EPHB2: variants seen among roughly 807,000 people sequenced by gnomAD.
EPHB2 encodes the protein EPH receptor B2.
In EPHB2, 18 loss-of-function variants were observed where a neutral mutation model predicts 96.4. The observed-to-expected ratio is 0.19, with a 90% CI of 0.13 to 0.28. EPHB2 has a LOEUF of 0.28. Ranked by LOEUF, EPHB2 falls within the 10% of genes least tolerant of loss-of-function variation. The probability of loss-of-function intolerance (pLI) is 1.00; values close to 1 mark genes in which losing one functional copy is unlikely to be tolerated. For missense variants in EPHB2, 989 were observed against 1,355.4 expected, an observed-to-expected ratio of 0.73 and a Z score of 4.25; for synonymous variants, 506 against 534.1, an observed-to-expected ratio of 0.95 and a Z score of 0.72.
intron 1 of EPHB2, among the ~76,000 whole-genome samples, chr1:22,723,038 G>A (rs1197292024): frequency 6.6e-6 from 1 of 152,260 alleles, no homozygotes; most frequent in Non-Finnish European, 1.5e-5. Flanking sequence ...CACTGGGGCG[G>A]GGTGCAAGCT....
intron 5 of EPHB2, among the ~76,000 whole-genome samples, chr1:22,878,041 A>C (rs1310951361): frequency 6.6e-6 from 1 of 152,262 alleles, no homozygotes; most frequent in African/African-American, 2.4e-5. Context: ...TTGGGAGGTG[A>C]AACTCCAGAG....
chr1:22,805,274 G>C (rs2582033), intron 3 of EPHB2, among the ~76,000 whole-genome samples: 151,725 of 152,284 alleles, frequency 1, 75,584 homozygotes, highest in Middle Eastern at 1. Context: ...CCTGGTTCGA[G>C]GTGACCCCAT....
intron 9 of EPHB2, among the ~76,000 whole-genome samples, chr1:22,899,423 C>A (rs1639678165): frequency 6.6e-6 from 1 of 151,784 alleles, no homozygotes; most frequent in Non-Finnish European, 1.5e-5. Context: ...ATCCCTTGAA[C>A]CCGGGAGGTG....
At chr1:22,768,043 G>A (rs1332298600) in intron 1 of EPHB2, among the ~76,000 whole-genome samples, 3 of 152,224 alleles carry the variant, frequency 2.0e-5, no homozygotes, top group African/African-American at 7.2e-5. Flanking sequence ...GGCACCCTGG[G>A]GTGTTCTGTC....
At chr1:22,712,350 G>T (rs770088925) in intron 1 of EPHB2, among the ~76,000 whole-genome samples, 2 of 152,204 alleles carry the variant, frequency 1.3e-5, no homozygotes, top group African/African-American at 2.4e-5. Context: ...CCTAAACTGC[G>T]TGAGCCCTTC....
rs553778621 is a variant in EPHB2, at chr1:22,878,911, C to T, written c.1304-3448C>T. ...TACTCCTCACCCGTCCTTGCCCTTG[C>T]GGGCTCTGTGTGTCTGATGCTCCAT... On this transcript the variant is annotated intron_variant, in intron 5 of 15. Coordinates refer to ENST00000374630, the MANE Select transcript of EPHB2 (RefSeq NM_017449.5). Among the ~76,000 whole-genome samples, 11 of 152,368 alleles carry T rather than the reference C, an allele frequency of 7.2e-5. No individual in the cohort carries two copies. In the East Asian group the frequency reaches 1.9e-3, roughly 27 times the overall value.
At chr1:22,774,697 G>A (rs1363038892) in intron 1 of EPHB2, 2 of 837,828 alleles carry the variant, frequency 2.4e-6, no homozygotes, top group Admixed American at 6.2e-5. Flanking sequence ...GCTAGGACTT[G>A]ATCCTTCAGG....
chr1:22,731,765 G>A (rs539277216), intron 1 of EPHB2, among the ~76,000 whole-genome samples: 31 of 152,130 alleles, frequency 2.0e-4, no homozygotes, highest in Non-Finnish European at 3.1e-4. Context: ...GCTTGAACCC[G>A]GGAAGTGGAG....
intron 3 of EPHB2, among the ~76,000 whole-genome samples, chr1:22,820,859 G>A (rs115177265): frequency 0.014 from 2,177 of 152,230 alleles, 44 homozygotes; most frequent in African/African-American, 0.05. Flanking sequence ...GCATAAGATC[G>A]CTCAGATTAT....
chr1:22,750,924 C>CA (rs1243576556), intron 1 of EPHB2, among the ~76,000 whole-genome samples: 1 of 152,228 alleles, frequency 6.6e-6, no homozygotes, highest in Non-Finnish European at 1.5e-5. Flanking sequence ...CAGCAGGCCC[C>CA]AGAGCCCATG....
At chr1:22,775,666 C>T (rs957092265) in intron 1 of EPHB2, among the ~76,000 whole-genome samples, 1 of 152,344 alleles carries the variant, frequency 6.6e-6, no homozygotes, top group East Asian at 1.9e-4. Context: ...GGCCATCGGG[C>T]CTCCCCAGCC....
At chr1:22,785,972 A>T (rs1394398743) in intron 3 of EPHB2, among the ~76,000 whole-genome samples, 1 of 152,208 alleles carries the variant, frequency 6.6e-6, no homozygotes, top group Admixed American at 6.5e-5. Context: ...CTTAACCACC[A>T]TGCCACACTG....
intron 8 of EPHB2, 22 bp downstream of exon 8, chr1:22,895,602 G>T: frequency 1.2e-6 from 2 of 1,607,876 alleles, no homozygotes; most frequent in Non-Finnish European, 1.7e-6. Flanking sequence ...CTCCAGGCTT[G>T]GCCAGGCCTG....
rs1643766527 is a variant in EPHB2 at position 22,733,799 on chromosome 1, A to G, written c.61+22756A>G. Among the ~76,000 whole-genome samples, 1 of 152,088 alleles carries G rather than the reference A, an allele frequency of 6.6e-6. No individual in the cohort carries two copies. The highest frequency in any genetic ancestry group is 1.5e-5 in the Non-Finnish European group (1 of 68,012). ...TTGGTGGGGACAGAGCTAGAAGTTG[A>G]ACCCGGGACTGGATTCTTGGCCTGG... On this transcript the variant is annotated intron_variant, in intron 1 of 15. Coordinates refer to ENST00000374630, the MANE Select transcript of EPHB2 (RefSeq NM_017449.5). The surrounding 1 kb of genome is among the most constrained non-coding windows in gnomAD (Gnocchi z 4.6).
intron 1 of EPHB2, among the ~76,000 whole-genome samples, chr1:22,745,888 C>A (rs995148700): frequency 1.1e-4 from 17 of 152,292 alleles, no homozygotes; most frequent in Admixed American, 3.9e-4. Context: ...GATTCTGTGA[C>A]AATCTGCAGC....
At chr1:22,851,205 T>C (rs1645621243) in intron 3 of EPHB2, among the ~76,000 whole-genome samples, 1 of 152,164 alleles carries the variant, frequency 6.6e-6, no homozygotes, top group Non-Finnish European at 1.5e-5. Context: ...ACTATGTTGC[T>C]CAGACTGGTC....
At chr1:22,747,016 C>T (rs1247908751) in intron 1 of EPHB2, among the ~76,000 whole-genome samples, 1 of 152,184 alleles carries the variant, frequency 6.6e-6, no homozygotes, top group East Asian at 1.9e-4. Flanking sequence ...GCAGGAGAGT[C>T]CCTCAGTCCA....
rs1638818081 is a variant in EPHB2, at chr1:22,875,752, A to G, written c.1304-6607A>G. On this transcript the variant is annotated intron_variant, in intron 5 of 15. Transcript: ENST00000374630. The surrounding 1 kb of genome is among the most constrained non-coding windows in gnomAD (Gnocchi z 4.2). The stretch of plus-strand genomic sequence containing the variant: ...GGGATAAAGGATTGAATGAGAGACA[A>G]GGTCCCTGACCTCAGATAGTGTTGG... Among the ~76,000 whole-genome samples, 1 of 152,156 alleles carries G rather than the reference A, an allele frequency of 6.6e-6. No individual in the cohort carries two copies. The highest frequency in any genetic ancestry group is 2.1e-4 in the South Asian group (1 of 4,822).
chr1:22,829,575 T>A (rs1035128439), intron 3 of EPHB2, among the ~76,000 whole-genome samples: 3 of 152,228 alleles, frequency 2.0e-5, no homozygotes, highest in Non-Finnish European at 2.9e-5. Flanking sequence ...CATCCATCAT[T>A]CATCCATTCT....
Sources: gnomAD v4.1 joint callset for allele counts (sites outside exome capture counted in the v4.1 genomes callset) on GRCh38, gnomAD v4.1.1 for gene constraint, Gnocchi (gnomAD v3.1) non-coding constraint, MANE v1.5 for transcripts, NCBI Gene and HGNC (gene_info 2026-07-23, HGNC 2026-07-21) for gene names.